The following CDH12 variants were observed in gnomAD, a reference collection of about 807,000 sequenced individuals.
The protein encoded by CDH12 is cadherin 12, also known as cadherin-12.
CDH12 carries 41 observed loss-of-function variants against 74.1 expected under a neutral mutation model. The ratio of observed to expected loss-of-function variants is 0.55; its 90% confidence interval spans 0.43 to 0.72. CDH12 has a LOEUF of 0.72. Ranked by LOEUF, CDH12 falls within the 30% of genes least tolerant of loss-of-function variation. The pLI, the probability that CDH12 is intolerant of heterozygous loss-of-function variation, is 0.00. For missense variants in CDH12, 945 were observed against 977.2 expected, an observed-to-expected ratio of 0.97 and a Z score of 0.44; for synonymous variants, 399 against 355.0, an observed-to-expected ratio of 1.12 and a Z score of -1.39.
intron 1 of CDH12, among the ~76,000 whole-genome samples, chr5:22,680,432 T>C (rs1178444637): frequency 6.6e-6 from 1 of 152,082 alleles, no homozygotes; most frequent in African/African-American, 2.4e-5. Flanking sequence ...ATCTTCTCTT[T>C]TGATTTTTAC....
intron 11 of CDH12, among the ~76,000 whole-genome samples, chr5:21,782,271 G>A (rs1192874604): frequency 6.6e-6 from 1 of 152,172 alleles, no homozygotes; most frequent in African/African-American, 2.4e-5. Context: ...GTTCCAACGA[G>A]CAAGGCAGAA....
chr5:22,571,502 T>C (rs940502705), intron 1 of CDH12, among the ~76,000 whole-genome samples: 17 of 152,166 alleles, frequency 1.1e-4, no homozygotes, highest in African/African-American at 4.1e-4. Flanking sequence ...AATTTTGTAT[T>C]TTTGGTAGAT....
At chr5:22,770,304 A>G (rs1486721990) in intron 1 of CDH12, among the ~76,000 whole-genome samples, 1 of 152,176 alleles carries the variant, frequency 6.6e-6, no homozygotes, top group Non-Finnish European at 1.5e-5. Flanking sequence ...ATTGGCATAC[A>G]GGGGAAGAAA....
intron 6 of CDH12, chr5:21,883,772 G>A (rs1193791881): frequency 6.4e-7 from 1 of 1,573,266 alleles, no homozygotes; most frequent in Non-Finnish European, 8.7e-7. Flanking sequence ...ATGAATGGCT[G>A]GCAAAACTTT....
chr5:22,641,968 A>G (rs1339391340), intron 1 of CDH12, among the ~76,000 whole-genome samples: 1 of 152,120 alleles, frequency 6.6e-6, no homozygotes, highest in African/African-American at 2.4e-5. Flanking sequence ...TGTGGCCTCC[A>G]TTTTTGTAGG....
At chr5:22,299,721 G>A (rs1389114096) in intron 3 of CDH12, among the ~76,000 whole-genome samples, 1 of 152,106 alleles carries the variant, frequency 6.6e-6, no homozygotes, top group South Asian at 2.1e-4. Context: ...CCAGCTGTTA[G>A]ATAAATAAAT....
At chr5:21,784,661 T>C (rs1746101724) in intron 10 of CDH12, among the ~76,000 whole-genome samples, 1 of 152,188 alleles carries the variant, frequency 6.6e-6, no homozygotes, top group African/African-American at 2.4e-5. Context: ...TTTCAAACAA[T>C]GGCTGAAAGC....
chr5:22,257,198 G>C (rs566688737), intron 3 of CDH12, among the ~76,000 whole-genome samples: 1 of 152,228 alleles, frequency 6.6e-6, no homozygotes, highest in Admixed American at 6.5e-5. Context: ...AGGAGGCAGA[G>C]AACCAGGTAA....
chr5:22,411,945 T>G (rs1743187440), intron 2 of CDH12, among the ~76,000 whole-genome samples: 1 of 152,010 alleles, frequency 6.6e-6, no homozygotes, highest in Admixed American at 6.6e-5. Context: ...GGTTTTCTTC[T>G]CTAAAGGCAT....
chr5:21,789,451 A>G (rs1404541911), intron 10 of CDH12, among the ~76,000 whole-genome samples: 3 of 152,132 alleles, frequency 2.0e-5, no homozygotes, highest in Non-Finnish European at 4.4e-5. Context: ...CTTTTCTTGA[A>G]TAAATTGTTC....
intron 11 of CDH12, among the ~76,000 whole-genome samples, chr5:21,782,048 AT>A (rs1192584981): frequency 6.6e-6 from 1 of 152,188 alleles, no homozygotes; most frequent in East Asian, 1.9e-4. Flanking sequence ...TTCACATGGC[AT>A]TGATGAACTT....
intron 1 of CDH12, among the ~76,000 whole-genome samples, chr5:22,539,759 T>A (rs1738016240): frequency 6.6e-6 from 1 of 152,200 alleles, no homozygotes; most frequent in South Asian, 2.1e-4. Flanking sequence ...TGTATGGATG[T>A]GATCTGTAGA....
intron 1 of CDH12, among the ~76,000 whole-genome samples, chr5:22,619,731 CAAA>C (rs5866580): frequency 7.0e-6 from 1 of 141,850 alleles, no homozygotes; most frequent in Non-Finnish European, 1.6e-5. Flanking sequence ...ATTTTCTAAA[CAAA>C]AAAAAAAAGT....
At chr5:22,078,913 AT>A in intron 4 of CDH12, 51 bp from the exon 5 acceptor site, 8 of 1,003,444 alleles carry the variant, frequency 8.0e-6, no homozygotes, top group Non-Finnish European at 1.0e-5. Context: ...TTGCATGATG[AT>A]ATTCATCACA....
intron 1 of CDH12, among the ~76,000 whole-genome samples, chr5:22,772,439 A>G (rs963974859): frequency 1.2e-4 from 18 of 152,124 alleles, no homozygotes; most frequent in Admixed American, 3.3e-4. Flanking sequence ...CCAGACACCA[A>G]GGAGTTCATT....
intron 1 of CDH12, among the ~76,000 whole-genome samples, chr5:22,738,043 C>G (rs749026126): frequency 4.0e-5 from 6 of 151,828 alleles, no homozygotes; most frequent in Admixed American, 6.6e-5. Context: ...ACAGCAAGGA[C>G]ATGGTACATT....
chr5:22,479,521 T>C (rs537063859), intron 2 of CDH12, among the ~76,000 whole-genome samples: 1 of 152,304 alleles, frequency 6.6e-6, no homozygotes, highest in Admixed American at 6.5e-5. Context: ...AAAAGACATC[T>C]ATCTTAAAAT....
At chr5:22,036,715 A>C (rs780380756) in intron 5 of CDH12, among the ~76,000 whole-genome samples, 44 of 152,198 alleles carry the variant, frequency 2.9e-4, no homozygotes, top group Non-Finnish European at 4.9e-4. Context: ...ACTAGCTTTT[A>C]GGGTCTATAA....
At chr5:22,440,342 T>C (rs1353271896) in intron 2 of CDH12, among the ~76,000 whole-genome samples, 1 of 152,134 alleles carries the variant, frequency 6.6e-6, no homozygotes, top group East Asian at 1.9e-4. Context: ...TTAATCCAGA[T>C]TTACTAACTG....
Sources: gnomAD v4.1 joint callset for allele counts (sites outside exome capture counted in the v4.1 genomes callset) on GRCh38, gnomAD v4.1.1 for gene constraint, MANE v1.5 for transcripts, NCBI Gene and HGNC (gene_info 2026-07-23, HGNC 2026-07-21) for gene names.